GUCY2C: variants seen among roughly 807,000 people sequenced by gnomAD.
The protein encoded by GUCY2C is guanylyl cyclase C.
GUCY2C carries 118 observed loss-of-function variants against 131.1 expected under a neutral mutation model. The ratio of observed to expected loss-of-function variants is 0.90; its 90% CI spans 0.78 to 1.05. The LOEUF (loss-of-function observed/expected upper bound fraction) is 1.05. Ranked by LOEUF, GUCY2C falls within the 50% of genes least tolerant of loss-of-function variation. The pLI is 0.00. For synonymous variants in GUCY2C, 452 were observed against 457.8 expected (o/e 0.99, Z 0.16); for missense variants, 1,161 against 1,304.4 (o/e 0.89, Z 1.69).
intron 22 of GUCY2C, among the ~76,000 whole-genome samples, chr12:14,621,761 CA>C (rs1002884814): frequency 1.1e-3 from 173 of 152,268 alleles, no homozygotes; most frequent in African/African-American, 4.0e-3. Flanking sequence ...TTTAATACTT[CA>C]AATTAATTCC....
intron 8 of GUCY2C, among the ~76,000 whole-genome samples, chr12:14,673,341 A>T (rs1209271782): frequency 6.6e-6 from 1 of 152,062 alleles, no homozygotes; most frequent in Non-Finnish European, 1.5e-5. Context: ...GAAGATCAAA[A>T]TTTTTTCACT....
chr12:14,639,759 GT>G, intron 19 of GUCY2C, 102 bp downstream of exon 19: 1 of 740,558 alleles, frequency 1.4e-6, no homozygotes, highest in South Asian at 1.6e-5. Flanking sequence ...CAGACTTCTA[GT>G]CTCCAGAACC....
chr12:14,614,101 C>A (rs1946706753), intron 26 of GUCY2C, among the ~76,000 whole-genome samples: 1 of 152,116 alleles, frequency 6.6e-6, no homozygotes, highest in Non-Finnish European at 1.5e-5. Flanking sequence ...AGCCTCTTTG[C>A]CCCCAGTATG....
intron 14 of GUCY2C, 54 bp from the exon 15 acceptor site, chr12:14,651,565 TA>T (rs1175202691): frequency 1.2e-6 from 1 of 846,202 alleles, no homozygotes; most frequent in Admixed American, 1.9e-5. Flanking sequence ...GGTGCCAAAG[TA>T]AAAATTAATA....
intron 11 of GUCY2C, among the ~76,000 whole-genome samples, chr12:14,658,020 A>G (rs1375279303): frequency 1.3e-5 from 2 of 152,162 alleles, no homozygotes; most frequent in Admixed American, 1.3e-4. Flanking sequence ...ACAGTGTTTC[A>G]TTATTGCATT....
Position 14,622,050 on chromosome 12 carries a change from G to C in GUCY2C, c.2556C>G (p.Ile852Met). Reference sequence around the variant, plus strand: ...CAACAATGTGGTCAAAACTCTTATAGATGTCATTAAGCATGTCCACCACTT... The same window carrying C: ...CAACAATGTGGTCAAAACTCTTATACATGTCATTAAGCATGTCCACCACTT... The part of the protein sequence containing the change: ...PMEVVDMLND[I>M]YKSFDHIVDH... Residue 852 changes from isoleucine to methionine, a missense_variant, in exon 22 of 27, where the codon ATC becomes ATG. Coordinates refer to ENST00000261170, the MANE Select transcript of GUCY2C (RefSeq NM_004963.4). 1 of 1,609,926 alleles carries C rather than the reference G, an allele frequency of 6.2e-7. No homozygotes were observed. The highest frequency in any genetic ancestry group is 8.5e-7 in the Non-Finnish European group (1 of 1,178,562).
At chr12:14,687,189 A>G (rs1461146183) in intron 2 of GUCY2C, among the ~76,000 whole-genome samples, 2 of 152,232 alleles carry the variant, frequency 1.3e-5, no homozygotes, top group Non-Finnish European at 2.9e-5. Context: ...GCAATTAACT[A>G]TGACCTGATA....
intron 6 of GUCY2C, 106 bp from the exon 7 acceptor site, chr12:14,677,077 T>C (rs1948249755): frequency 2.6e-6 from 1 of 385,592 alleles, no homozygotes. Flanking sequence ...GTTTAAAACA[T>C]TTTTTTTCAT....
chr12:14,619,553 T>C (rs971987149), intron 23 of GUCY2C, among the ~76,000 whole-genome samples: 1 of 152,100 alleles, frequency 6.6e-6, no homozygotes, highest in Non-Finnish European at 1.5e-5. Context: ...TTGTAGCAAA[T>C]AGGAAGGCAT....
chr12:14,642,758 A>G (rs1442251837), intron 17 of GUCY2C, among the ~76,000 whole-genome samples: 3 of 152,220 alleles, frequency 2.0e-5, no homozygotes, highest in Non-Finnish European at 2.9e-5. Flanking sequence ...TATGTCATGA[A>G]CCAGGCTTGG....
At chr12:14,661,564 G>A (rs1388701930) in intron 10 of GUCY2C, among the ~76,000 whole-genome samples, 2 of 151,918 alleles carry the variant, frequency 1.3e-5, no homozygotes, top group Admixed American at 6.6e-5. Context: ...TTAGCCTCCC[G>A]AGAAGCTGGG....
chr12:14,668,294 C>A (rs1255023512), intron 10 of GUCY2C, among the ~76,000 whole-genome samples: 2 of 152,158 alleles, frequency 1.3e-5, no homozygotes, highest in African/African-American at 4.8e-5. Flanking sequence ...CCTCAGCCTC[C>A]TGAGTAGCTA....
At chr12:14,657,625 G>A (rs1359109277) in intron 11 of GUCY2C, among the ~76,000 whole-genome samples, 1 of 152,096 alleles carries the variant, frequency 6.6e-6, no homozygotes, top group Non-Finnish European at 1.5e-5. Flanking sequence ...GGTGGCGTTA[G>A]ATTCTCACAG....
At chr12:14,691,933 A>G (rs1434274343) in intron 1 of GUCY2C, among the ~76,000 whole-genome samples, 4 of 152,168 alleles carry the variant, frequency 2.6e-5, no homozygotes, top group Non-Finnish European at 5.9e-5. Flanking sequence ...CTTCAAGGTA[A>G]TATTTTGTCA....
chr12:14,667,603 G>C (rs969753071), intron 10 of GUCY2C, among the ~76,000 whole-genome samples: 1 of 152,180 alleles, frequency 6.6e-6, no homozygotes, highest in African/African-American at 2.4e-5. Flanking sequence ...AACCAGAAAT[G>C]TTCCCTTTAT....
At chr12:14,692,967 A>C (rs1399297191) in intron 1 of GUCY2C, among the ~76,000 whole-genome samples, 8 of 152,196 alleles carry the variant, frequency 5.3e-5, no homozygotes, top group Middle Eastern at 3.4e-3. Context: ...GCTTTCTCTT[A>C]TTTTTAATTT....
At chr12:14,654,224 G>C (rs984225078) in intron 12 of GUCY2C, among the ~76,000 whole-genome samples, 5 of 152,088 alleles carry the variant, frequency 3.3e-5, no homozygotes, top group African/African-American at 1.2e-4. Flanking sequence ...TCCTGTTCTA[G>C]CAGTGGGATG....
Position 14,642,228 on chromosome 12 carries a change from T to G in GUCY2C, c.1931-1009A>C, listed in dbSNP as rs990197183. 2.0e-5 allele frequency among the ~76,000 whole-genome samples: 3 copies of G among 152,186 alleles called. No homozygotes were observed. The South Asian group carries it at 6.2e-4, about 32-fold the overall frequency. On this transcript the variant is annotated intron_variant, in intron 17 of 26. Transcript: ENST00000261170. ...CCTGTCCCTGCCACTCCCTAGTGCT[T>G]ACATCTAGTTCACTCACTTCACATG...
At chr12:14,691,149 A>G (rs1948567818) in intron 1 of GUCY2C, among the ~76,000 whole-genome samples, 1 of 152,222 alleles carries the variant, frequency 6.6e-6, no homozygotes, top group African/African-American at 2.4e-5. Flanking sequence ...GCCACTTGAG[A>G]GATGTCTACC....
Sources: allele counts gnomAD v4.1 joint callset (sites outside exome capture counted in the v4.1 genomes callset), GRCh38; gene constraint gnomAD v4.1.1; transcripts MANE v1.5; gene names NCBI Gene and HGNC (gene_info 2026-07-23, HGNC 2026-07-21).